The following MTOR variants were observed in gnomAD, a reference collection of about 807,000 sequenced individuals.
The protein encoded by MTOR is serine/threonine-protein kinase mTOR.
Under a neutral mutation model 319.8 loss-of-function variants are expected in MTOR, and 70 were observed. The observed-to-expected ratio is 0.22, with a 90% CI of 0.18 to 0.27. The LOEUF (loss-of-function observed/expected upper bound fraction) is 0.27. MTOR is among the 10% of genes least tolerant of loss of function. The pLI, the probability that MTOR is intolerant of heterozygous loss-of-function variation, is 1.00. For missense variants in MTOR, 1,890 were observed against 3,274.4 expected (o/e 0.58, Z 10.32); for synonymous variants, 1,183 against 1,211.4 (o/e 0.98, Z 0.49).
At position 11,128,557 on chromosome 1, in the gene MTOR, T is replaced by C; in HGVS notation, c.5812-5A>G. ...TGCAATGAGCTGAGGTATAACCTGG[T>C]ATTCAAAAAGACACAGTATGTAGCA... is the stretch of plus-strand genomic sequence containing the variant. On this transcript the variant is annotated splice_polypyrimidine_tract_variant and splice_region_variant and intron_variant, in intron 41 of 57. Coordinates refer to ENST00000361445, the MANE Select transcript of MTOR (RefSeq NM_004958.4). This position sits in a 1 kb window ranked among gnomAD's most constrained non-coding sequence, Gnocchi z 5.3. 1 of 1,613,540 alleles carries C rather than the reference T, an allele frequency of 6.2e-7. No individual in the cohort carries two copies. Among genetic ancestry groups the C allele is most frequent in the Non-Finnish European group, 8.5e-7 (1 of 1,179,444 alleles).
intron 15 of MTOR, chr1:11,233,175 A>C: frequency 1.1e-6 from 1 of 883,534 alleles, no homozygotes; most frequent in Non-Finnish European, 1.8e-6. Flanking sequence ...CAATGATATT[A>C]CCATATCAAG....
chr1:11,163,169 A>T (rs1213813870), intron 29 of MTOR, among the ~76,000 whole-genome samples: 1 of 152,242 alleles, frequency 6.6e-6, no homozygotes, highest in Non-Finnish European at 1.5e-5. Flanking sequence ...TAAACCAACA[A>T]AGATCAAAAG....
At chr1:11,220,387 T>A (rs551186596) in intron 19 of MTOR, among the ~76,000 whole-genome samples, 22 of 152,284 alleles carry the variant, frequency 1.4e-4, no homozygotes, top group African/African-American at 4.8e-4. Flanking sequence ...ATAAATTTTT[T>A]AATTTAATTT....
intron 30 of MTOR, among the ~76,000 whole-genome samples, chr1:11,155,603 C>T (rs1251354216): frequency 6.6e-6 from 1 of 152,128 alleles, no homozygotes; most frequent in Non-Finnish European, 1.5e-5. Context: ...AGAATCTGAA[C>T]AAAAAGGCCT....
At chr1:11,201,762 TA>T (rs1571152374) in intron 26 of MTOR, among the ~76,000 whole-genome samples, 1 of 152,338 alleles carries the variant, frequency 6.6e-6, no homozygotes, top group East Asian at 1.9e-4. Flanking sequence ...TTTATTTACT[TA>T]CATTATATTA....
intron 28 of MTOR, among the ~76,000 whole-genome samples, chr1:11,168,163 A>G (rs1644706242): frequency 6.6e-6 from 1 of 151,544 alleles, no homozygotes; most frequent in Non-Finnish European, 1.5e-5. Flanking sequence ...AACCTTGGAT[A>G]CGAAATTATC....
intron 25 of MTOR, 88 bp from the exon 26 acceptor site, chr1:11,204,791 T>A (rs1239009804): frequency 7.2e-7 from 1 of 1,393,988 alleles, no homozygotes; most frequent in Non-Finnish European, 9.7e-7. Flanking sequence ...TATTCTACTT[T>A]TAGATTTATA....
chr1:11,157,026 G>A, intron 30 of MTOR, 126 bp downstream of exon 30: 2 of 1,209,190 alleles, frequency 1.7e-6, no homozygotes, highest in Non-Finnish European at 1.1e-6. Context: ...TTCCTGAGAA[G>A]TATCAAGTGG....
rs1473325413 is a variant in MTOR, at chr1:11,128,131, G to A, written c.5911-5C>T. 1 of 1,613,462 alleles carries A rather than the reference G, an allele frequency of 6.2e-7. No individual in the cohort carries two copies. Among genetic ancestry groups the A allele is most frequent in the Non-Finnish European group, 8.5e-7 (1 of 1,179,874 alleles). ...TGTCAGTGGGTAGATGAGGGCCTGAGGGAAAAACAGAAGAAACATCTATAA... is the reference window on the plus strand; with the variant it reads ...TGTCAGTGGGTAGATGAGGGCCTGAAGGAAAAACAGAAGAAACATCTATAA... On this transcript the variant is annotated splice_region_variant and splice_polypyrimidine_tract_variant and intron_variant, in intron 42 of 57. Transcript: ENST00000361445. This position sits in a 1 kb window ranked among gnomAD's most constrained non-coding sequence, Gnocchi z 5.3.
intron 24 of MTOR, 104 bp from the exon 25 acceptor site, chr1:11,209,562 T>A: frequency 2.2e-6 from 3 of 1,369,062 alleles, no homozygotes; most frequent in Non-Finnish European, 3.0e-6. Context: ...AGAGCCAGGA[T>A]TTCAGTAAGA....
intron 8 of MTOR, among the ~76,000 whole-genome samples, chr1:11,244,157 G>A (rs1264437398): frequency 6.6e-6 from 1 of 151,790 alleles, no homozygotes; most frequent in Non-Finnish European, 1.5e-5. Context: ...CCGGACATAA[G>A]GGTGCATGCC....
chr1:11,257,541 C>T (rs569006684), intron 3 of MTOR, among the ~76,000 whole-genome samples: 210 of 117,598 alleles, frequency 1.8e-3, no homozygotes, highest in Middle Eastern at 6.8e-3. Context: ...CCAGCCTGGG[C>T]GACAGAGTGA....
Position 11,121,524 on chromosome 1 carries a change from C to T in MTOR, c.6811-156G>A, listed in dbSNP as rs1202833029. 1.3e-5 allele frequency among the ~76,000 whole-genome samples: 2 copies of T among 152,270 alleles called. No individual in the cohort carries two copies. Among genetic ancestry groups the T allele is most frequent in the East Asian group, 1.9e-4 (1 of 5,188 alleles). ...AATAAGAACATGGCAAAAGGAGAAA[C>T]GAAGTGACCACTCTAACCTGATGAC... On this transcript the variant is annotated intron_variant, in intron 48 of 57. Transcript: ENST00000361445. The surrounding 1 kb of genome is among the most constrained non-coding windows in gnomAD (Gnocchi z 4.9).
chr1:11,248,330 G>A (rs578068640), intron 6 of MTOR, among the ~76,000 whole-genome samples: 35 of 152,212 alleles, frequency 2.3e-4, no homozygotes, highest in Non-Finnish European at 4.6e-4. Flanking sequence ...AGCAGCAGCA[G>A]AGGGCTGCCT....
Position 11,258,588 on chromosome 1 carries a change from A to T in MTOR, c.168T>A (p.Ser56Arg), listed in dbSNP as rs563387441. The change falls in exon 3 of 58, where the codon AGT (serine) becomes AGA (arginine). Residue 56 changes from serine to arginine, a missense_variant. By Grantham distance (110) the Ser-to-Arg change is moderately radical. Around this residue, in one of 15 missense-constraint regions of MTOR, gnomAD observed 85 missense variants for 105.8 expected, o/e 0.80. Coordinates refer to ENST00000361445, the MANE Select transcript of MTOR (RefSeq NM_004958.4). ...CATAGAAGCGAGTAGACTCCTCTTG[A>T]CTCATCTGCAAAAGAAGATATAATC... ...HYVTMELREMSQEESTRFYDQ... is the reference protein window; with the variant it reads ...HYVTMELREMRQEESTRFYDQ... 1 of 1,609,906 alleles carries T rather than the reference A, an allele frequency of 6.2e-7. No individual in the cohort carries two copies. Among genetic ancestry groups the T allele is most frequent in the African/African-American group, 1.3e-5 (1 of 74,910 alleles).
intron 36 of MTOR, among the ~76,000 whole-genome samples, chr1:11,136,902 C>T (rs1015030079): frequency 4.0e-5 from 6 of 149,200 alleles, no homozygotes; most frequent in Non-Finnish European, 8.9e-5. Flanking sequence ...AGTGCAGTGG[C>T]GTGATCTTGG....
chr1:11,248,767 G>C (rs1649190355), intron 6 of MTOR, among the ~76,000 whole-genome samples: 1 of 151,698 alleles, frequency 6.6e-6, no homozygotes, highest in Non-Finnish European at 1.5e-5. Context: ...AGCCAAGATT[G>C]CACCACTGCA....
chr1:11,262,169 AAGACCCAAAGGGCAATACC>A (rs1651222502), intron 1 of MTOR, among the ~76,000 whole-genome samples: 1 of 152,180 alleles, frequency 6.6e-6, no homozygotes, highest in Admixed American at 6.5e-5. Context: ...TGACAGGCAA[AAGACCCAAAGGGCAATACC>A]AGAGCTGATG....
At chr1:11,117,917 T>C (rs1642259356) in intron 49 of MTOR, among the ~76,000 whole-genome samples, 1 of 151,846 alleles carries the variant, frequency 6.6e-6, no homozygotes. Flanking sequence ...CCGTTTCTAC[T>C]AAAAATGCAA....
Sources: allele counts gnomAD v4.1 joint callset (sites outside exome capture counted in the v4.1 genomes callset), GRCh38; gene constraint gnomAD v4.1.1; regional missense constraint gnomAD v4.1.1; non-coding constraint Gnocchi (gnomAD v3.1); transcripts MANE v1.5; gene names NCBI Gene and HGNC (gene_info 2026-07-23, HGNC 2026-07-21).